The following CAST variants were observed in gnomAD, a reference collection of about 807,000 sequenced individuals.
CAST encodes calpastatin.
Under a neutral mutation model 119.6 loss-of-function variants are expected in CAST, and 76 were observed. That is an observed-to-expected ratio of 0.64 (90% CI 0.53 to 0.77). The LOEUF is 0.77. Ranked by LOEUF, CAST falls within the 30% of genes least tolerant of loss-of-function variation. The pLI, the probability that CAST is intolerant of heterozygous loss-of-function variation, is 0.00. For missense variants in CAST, 953 were observed against 946.5 expected, an observed-to-expected ratio of 1.01 and a Z score of -0.09; for synonymous variants, 319 against 331.6, an observed-to-expected ratio of 0.96 and a Z score of 0.41.
chr5:96,354,938 C>T, the CAST span, among the ~76,000 whole-genome samples: 1 of 151,772 alleles, frequency 6.6e-6, no homozygotes, highest in Non-Finnish European at 1.5e-5. Context: ...TCTTCAGACA[C>T]TAAAATATAT....
the CAST span, among the ~76,000 whole-genome samples, chr5:96,031,304 T>C: frequency 6.6e-6 from 1 of 151,932 alleles, no homozygotes; most frequent in Non-Finnish European, 1.5e-5. Context: ...ATTTATCTTC[T>C]CTTTTTCTAG....
chr5:96,520,421 C>A (rs115184880), upstream of CAST, among the ~76,000 whole-genome samples: 1,632 of 152,312 alleles, frequency 0.011, 36 homozygotes, highest in African/African-American at 0.038. Flanking sequence ...CACTCAGATG[C>A]CCCACAGGGG....
At chr5:96,393,478 A>G in the CAST span, 1 of 1,356,242 alleles carries the variant, frequency 7.4e-7, no homozygotes, top group Non-Finnish European at 1.0e-6. Flanking sequence ...CTGCCGCTTG[A>G]GAGGCAATGA....
chr5:96,012,260 T>A, the CAST span, among the ~76,000 whole-genome samples: 673 of 152,262 alleles, frequency 4.4e-3, 9 homozygotes, highest in African/African-American at 0.015. Flanking sequence ...AAGGAAACTT[T>A]AATCAATCAG....
chr5:96,236,138 T>TATCTATCC, the CAST span, among the ~76,000 whole-genome samples: 1 of 151,054 alleles, frequency 6.6e-6, no homozygotes, highest in African/African-American at 2.4e-5. Context: ...TCTATCTATC[T>TATCTATCC]ATCCATCCAT....
chr5:96,667,536 C>T (rs1749497069), intron 1 of CAST, among the ~76,000 whole-genome samples: 1 of 152,138 alleles, frequency 6.6e-6, no homozygotes, highest in Non-Finnish European at 1.5e-5. Flanking sequence ...CAATAGATGC[C>T]ACCTCTGAAA....
chr5:96,409,292 A>T, the CAST span, among the ~76,000 whole-genome samples: 4 of 152,120 alleles, frequency 2.6e-5, no homozygotes, highest in African/African-American at 7.2e-5. Context: ...AGGTGTAAAA[A>T]AATAATTTGT....
chr5:96,758,225 C>T lies in CAST; in HGVS notation c.1833+571C>T. 1.3e-5 allele frequency among the ~76,000 whole-genome samples: 2 copies of T among 152,258 alleles called. 1 individual carries two copies. ...AAATGTAAGCTTATCCAAAATTACT[C>T]CTCAGACAACTTTACCTATTGATAT... On this transcript the variant is annotated intron_variant, in intron 24 of 31. Transcript: ENST00000675179.
chr5:96,726,221 A>C (rs1554087108), intron 4 of CAST, among the ~76,000 whole-genome samples: 1 of 151,976 alleles, frequency 6.6e-6, no homozygotes, highest in Non-Finnish European at 1.5e-5. Flanking sequence ...CTATATTGAG[A>C]ATGCATGCAT....
chr5:96,274,160 GGC>G, the CAST span, among the ~76,000 whole-genome samples: 1 of 150,866 alleles, frequency 6.6e-6, no homozygotes, highest in Non-Finnish European at 1.5e-5. Flanking sequence ...GGAGTGCAGT[GGC>G]GTGATCTTGG....
intron 1 of CAST, among the ~76,000 whole-genome samples, chr5:96,556,109 T>C (rs902790258): frequency 3.3e-5 from 5 of 152,180 alleles, no homozygotes; most frequent in Admixed American, 2.6e-4. Context: ...GGGTCTGGAG[T>C]GGACCTCCAG....
At chr5:96,465,612 G>A in the CAST span, among the ~76,000 whole-genome samples, 1 of 152,088 alleles carries the variant, frequency 6.6e-6, no homozygotes, top group South Asian at 2.1e-4. Context: ...GATCAAGTCA[G>A]TGTAACTGGG....
chr5:95,988,418 G>A, the CAST span, among the ~76,000 whole-genome samples: 2 of 152,042 alleles, frequency 1.3e-5, no homozygotes, highest in African/African-American at 2.4e-5. Flanking sequence ...AGGGGTACAA[G>A]GTGAAAGAAG....
the CAST span, among the ~76,000 whole-genome samples, chr5:96,155,572 GA>G: frequency 1.3e-5 from 2 of 152,150 alleles, no homozygotes; most frequent in African/African-American, 4.8e-5. Context: ...TGTTCCGATG[GA>G]AATCTAGGAG....
At chr5:96,429,129 C>A in the CAST span, 5 of 757,686 alleles carry the variant, frequency 6.6e-6, no homozygotes, top group Admixed American at 2.3e-5. Flanking sequence ...ACCACATTTG[C>A]AAAATGCTTC....
the CAST span, chr5:96,391,055 G>A: frequency 6.6e-6 from 1 of 152,198 alleles, no homozygotes; most frequent in African/African-American, 2.4e-5. Context: ...AGAATTCTCT[G>A]GTCCTTTTTA....
chr5:96,235,531 A>G, the CAST span, among the ~76,000 whole-genome samples: 1 of 152,114 alleles, frequency 6.6e-6, no homozygotes, highest in Admixed American at 6.6e-5. Context: ...ATTATTTAGG[A>G]GCTGTCCTAG....
chr5:96,627,591 T>TA (rs1388870783), intron 1 of CAST, among the ~76,000 whole-genome samples: 2 of 152,218 alleles, frequency 1.3e-5, no homozygotes, highest in Non-Finnish European at 2.9e-5. Flanking sequence ...TATAAAAATG[T>TA]AAAAAACTGT....
chr5:96,489,850 G>A, the CAST span, among the ~76,000 whole-genome samples: 1 of 152,204 alleles, frequency 6.6e-6, no homozygotes, highest in East Asian at 1.9e-4. Flanking sequence ...TAAACTGACT[G>A]TGGGTTATTA....
Sources: gnomAD v4.1 joint callset for allele counts (sites outside exome capture counted in the v4.1 genomes callset) on GRCh38, gnomAD v4.1.1 for gene constraint, MANE v1.5 for transcripts, NCBI Gene and HGNC (gene_info 2026-07-23, HGNC 2026-07-21) for gene names.